Variants in TRAPPC9 observed in about 807,000 individuals in gnomAD.
The protein encoded by TRAPPC9 is trafficking protein particle complex subunit 9, also known as IKK2 binding protein.
In TRAPPC9, 83 loss-of-function variants were observed where a neutral mutation model predicts 124.0. That is an observed-to-expected ratio of 0.67 (90% CI 0.56 to 0.80). The LOEUF (loss-of-function observed/expected upper bound fraction) is 0.80. Among genes scored for constraint, TRAPPC9 ranks in the 30% least tolerant of loss-of-function variants. TRAPPC9 has a pLI of 0.00. For synonymous variants in TRAPPC9, 638 were observed against 617.5 expected, an observed-to-expected ratio of 1.03 and a Z score of -0.49; for missense variants, 1,302 against 1,508.3, an observed-to-expected ratio of 0.86 and a Z score of 2.27.
chr8:139,975,482 A>C (rs1214768331), intron 19 of TRAPPC9, among the ~76,000 whole-genome samples: 1 of 152,224 alleles, frequency 6.6e-6, no homozygotes, highest in Non-Finnish European at 1.5e-5. Flanking sequence ...GAGGCTTTCA[A>C]GCCAGCTGTG....
chr8:139,926,321 G>A (rs1408696714), intron 19 of TRAPPC9, among the ~76,000 whole-genome samples: 1 of 152,084 alleles, frequency 6.6e-6, no homozygotes, highest in Non-Finnish European at 1.5e-5. Flanking sequence ...AGGCTCCCAA[G>A]AGAACCCACA....
In TRAPPC9 at chr8:140,300,228, CAT is replaced by C. The variant is rs1372182362; in HGVS notation, c.1768+239_1768+240del. Among the ~76,000 whole-genome samples, 10 of 152,088 alleles carry C rather than the reference CAT, an allele frequency of 6.6e-5. No individual in the cohort carries two copies. In the East Asian group the frequency reaches 7.7e-4, roughly 12 times the overall value. Reference sequence around the variant, plus strand: ...CCACACATGGACACATGTAAACACACATATGCATGCACGCACGCATGCATACA... The same window carrying C: ...CCACACATGGACACATGTAAACACACATGCATGCACGCACGCATGCATACA... On this transcript the variant is annotated intron_variant, in intron 11 of 22. Transcript: ENST00000438773.
At chr8:140,329,833 T>G (rs946228055) in intron 9 of TRAPPC9, among the ~76,000 whole-genome samples, 5 of 152,128 alleles carry the variant, frequency 3.3e-5, no homozygotes, top group African/African-American at 1.2e-4. Flanking sequence ...GTAATCATAC[T>G]TTGGGAGGCC....
At chr8:139,974,864 C>T (rs1193386819) in intron 19 of TRAPPC9, among the ~76,000 whole-genome samples, 1 of 152,100 alleles carries the variant, frequency 6.6e-6, no homozygotes, top group African/African-American at 2.4e-5. Context: ...GGCTGCCTCT[C>T]CCTCTCCGCC....
rs1362719332 is a variant in TRAPPC9 at position 139,784,534 on chromosome 8, A to T, written c.3056-52332T>A. On this transcript the variant is annotated intron_variant, in intron 21 of 22. Transcript: ENST00000438773. Reference sequence around the variant, plus strand: ...GGTTGCAGTGAGCAGAGATCGCGCCATTGCACTCCAGCCTGGGCAACGGAG... The same window carrying T: ...GGTTGCAGTGAGCAGAGATCGCGCCTTTGCACTCCAGCCTGGGCAACGGAG... Among the ~76,000 whole-genome samples, 4 of 150,478 alleles carry T rather than the reference A, an allele frequency of 2.7e-5. No individual in the cohort carries two copies. In the South Asian group the frequency reaches 6.4e-4, roughly 24 times the overall value.
At chr8:139,784,617 A>ATATATATATATATATATC (rs1822080159) in intron 21 of TRAPPC9, among the ~76,000 whole-genome samples, 1 of 105,338 alleles carries the variant, frequency 9.5e-6, no homozygotes, top group Non-Finnish European at 2.0e-5. Context: ...ACATATATAT[A>ATATATATATATATATATC]TATATATATA....
chr8:140,403,314 C>T (rs1269871870), intron 6 of TRAPPC9, among the ~76,000 whole-genome samples: 1 of 151,922 alleles, frequency 6.6e-6, no homozygotes, highest in Admixed American at 6.6e-5. Flanking sequence ...CCTGTAGTCC[C>T]GCTACTCAGG....
intron 21 of TRAPPC9, among the ~76,000 whole-genome samples, chr8:139,750,701 G>A (rs559124858): frequency 6.6e-6 from 1 of 152,204 alleles, no homozygotes; most frequent in African/African-American, 2.4e-5. Flanking sequence ...CAGCACGGAG[G>A]GGGCAGGAAC....
At chr8:140,457,853 G>A (rs1293822026), upstream of TRAPPC9, 3 of 1,120,376 alleles carry the variant, frequency 2.7e-6, no homozygotes, top group South Asian at 2.2e-5. Context: ...GTAGGAGCGA[G>A]GGAGAAAAGA....
At chr8:140,148,425 T>C (rs554015971) in intron 17 of TRAPPC9, among the ~76,000 whole-genome samples, 4 of 152,224 alleles carry the variant, frequency 2.6e-5, no homozygotes, top group Middle Eastern at 3.4e-3. Flanking sequence ...GAAAAGAAAA[T>C]TCCCAGTGTC....
chr8:139,762,204 T>C (rs1051270751), intron 21 of TRAPPC9, among the ~76,000 whole-genome samples: 3 of 151,826 alleles, frequency 2.0e-5, no homozygotes, highest in Non-Finnish European at 2.9e-5. Flanking sequence ...CTGGAGTACC[T>C]CTAACGCAAG....
intron 21 of TRAPPC9, among the ~76,000 whole-genome samples, chr8:139,774,675 C>A (rs1821238107): frequency 6.6e-6 from 1 of 152,216 alleles, no homozygotes; most frequent in Non-Finnish European, 1.5e-5. Context: ...ACAACATTTC[C>A]CGGAGGAACG....
rs113783987 is a variant in TRAPPC9, at chr8:139,957,546, G to A, written c.2810+31180C>T. ...GGAATAAAAGGGGGATGGCAACACC[G>A]TACCATGCCTTCTGGCGCCTGGCAC... On this transcript the variant is annotated intron_variant, in intron 19 of 22. Coordinates refer to ENST00000438773, the MANE Select transcript of TRAPPC9 (RefSeq NM_001160372.4). Among the ~76,000 whole-genome samples, 211 of 152,300 alleles carry A rather than the reference G, an allele frequency of 1.4e-3. 3 individuals carry two copies. The highest frequency in any genetic ancestry group is 4.9e-3 in the African/African-American group (203 of 41,544).
chr8:140,025,442 T>C (rs1840082670), intron 17 of TRAPPC9, among the ~76,000 whole-genome samples: 2 of 152,064 alleles, frequency 1.3e-5, no homozygotes. Context: ...CTTAAAATAC[T>C]ATGTGGACCT....
chr8:140,305,614 A>T (rs1424018927), intron 10 of TRAPPC9, among the ~76,000 whole-genome samples: 2 of 152,180 alleles, frequency 1.3e-5, no homozygotes, highest in Non-Finnish European at 2.9e-5. Flanking sequence ...GGAATTTTTT[A>T]AAATAACTAA....
intron 19 of TRAPPC9, among the ~76,000 whole-genome samples, chr8:139,923,787 G>A (rs1232602002): frequency 1.3e-5 from 2 of 152,342 alleles, no homozygotes; most frequent in South Asian, 2.1e-4. Flanking sequence ...TGGAGAGAAC[G>A]ACTCAGTAGA....
At chr8:139,874,430 A>C (rs988075541) in intron 21 of TRAPPC9, among the ~76,000 whole-genome samples, 2 of 152,196 alleles carry the variant, frequency 1.3e-5, no homozygotes, top group Admixed American at 6.5e-5. Context: ...CAGACAGTAC[A>C]ACCTTAAGGA....
chr8:139,853,060 T>C (rs533219289), intron 21 of TRAPPC9, among the ~76,000 whole-genome samples: 1 of 152,320 alleles, frequency 6.6e-6, no homozygotes, highest in East Asian at 1.9e-4. Context: ...CCAAGAAGTG[T>C]TCCGTGGTGA....
intron 20 of TRAPPC9, among the ~76,000 whole-genome samples, chr8:139,898,139 AG>A (rs1830782199): frequency 6.6e-6 from 1 of 152,176 alleles, no homozygotes; most frequent in Non-Finnish European, 1.5e-5. Flanking sequence ...CTCCTAGAAG[AG>A]GGGCAAGGGG....
Sources: allele counts gnomAD v4.1 joint callset (sites outside exome capture counted in the v4.1 genomes callset), GRCh38; gene constraint gnomAD v4.1.1; transcripts MANE v1.5; gene names NCBI Gene and HGNC (gene_info 2026-07-23, HGNC 2026-07-21).